Variants in AGBL1 observed in about 807,000 individuals in gnomAD.
AGBL1 encodes the protein AGBL carboxypeptidase 1, also known as cytosolic carboxypeptidase 4.
A neutral mutation model predicts 118.9 loss-of-function variants in AGBL1; 130 were observed. That is an observed-to-expected ratio of 1.09 (90% CI 0.95 to 1.26). The LOEUF is 1.26. AGBL1 is among the 50% of genes most tolerant of loss of function. The probability of loss-of-function intolerance (pLI) is 0.00; values close to 1 mark genes in which losing one functional copy is unlikely to be tolerated. For missense variants in AGBL1, 1,584 were observed against 1,298.1 expected (o/e 1.22, Z -3.38); for synonymous variants, 555 against 478.9 (o/e 1.16, Z -2.08).
chr15:86,499,688 A>G (rs1178632654), intron 18 of AGBL1, among the ~76,000 whole-genome samples: 1 of 151,914 alleles, frequency 6.6e-6, no homozygotes, highest in Non-Finnish European at 1.5e-5. Context: ...GGTTTTAAGC[A>G]TGGATTCAGC....
In AGBL1 at chr15:86,251,184, C is replaced by T. The variant is rs1033490469; in HGVS notation, c.735+3305C>T. On this transcript the variant is annotated intron_variant, in intron 7 of 22. Transcript: ENST00000614907. ...TTTTATAGATGAAGAAACTGAGGCA[C>T]GTAACTGTTAAGTAATTTTCCCAAG... Among the ~76,000 whole-genome samples the T allele has an allele frequency of 6.6e-5, 10 of 152,138 alleles. No homozygotes were observed. In the East Asian group the frequency reaches 1.2e-3, roughly 18 times the overall value.
chr15:86,191,812 C>T (rs570294990), intron 5 of AGBL1, among the ~76,000 whole-genome samples: 13 of 151,074 alleles, frequency 8.6e-5, no homozygotes, highest in African/African-American at 2.2e-4. Context: ...ACATGGGCTG[C>T]GTGCAGTAAT....
chr15:86,827,705 T>G (rs1320514374), intron 22 of AGBL1, among the ~76,000 whole-genome samples: 2 of 145,484 alleles, frequency 1.4e-5, no homozygotes, highest in Non-Finnish European at 3.0e-5. Flanking sequence ...AATATTTGTC[T>G]TCTTTGAGGA....
At chr15:86,993,653 T>C (rs73449117) in intron 24 of AGBL1, among the ~76,000 whole-genome samples, 14,990 of 152,146 alleles carry the variant, frequency 0.099, 1,307 homozygotes, top group African/African-American at 0.23. Flanking sequence ...ATTTGTGCTA[T>C]GTGAACTTTT....
chr15:86,567,181 A>C (rs1355981418), intron 21 of AGBL1, among the ~76,000 whole-genome samples: 1 of 152,200 alleles, frequency 6.6e-6, no homozygotes, highest in Non-Finnish European at 1.5e-5. Context: ...TCCTAATTAG[A>C]AACTTTGGGG....
At chr15:86,369,322 A>T (rs2080936072) in intron 17 of AGBL1, among the ~76,000 whole-genome samples, 1 of 152,188 alleles carries the variant, frequency 6.6e-6, no homozygotes, top group Non-Finnish European at 1.5e-5. Context: ...ATATGTTAAA[A>T]TTTTTGTCAT....
At chr15:86,253,944 A>T (rs541869429) in intron 7 of AGBL1, among the ~76,000 whole-genome samples, 16 of 152,254 alleles carry the variant, frequency 1.1e-4, no homozygotes, top group Non-Finnish European at 2.1e-4. Flanking sequence ...TGGAAAAGAG[A>T]TTATCAGAGG....
At chr15:86,646,737 C>T (rs2085285416) in intron 21 of AGBL1, among the ~76,000 whole-genome samples, 1 of 152,114 alleles carries the variant, frequency 6.6e-6, no homozygotes, top group Non-Finnish European at 1.5e-5. Context: ...ATTAGTCAGT[C>T]CTATGACCTT....
intron 23 of AGBL1, among the ~76,000 whole-genome samples, chr15:86,926,509 C>G (rs1025416239): frequency 6.6e-6 from 1 of 152,080 alleles, no homozygotes; most frequent in African/African-American, 2.4e-5. Context: ...ACCTTGAACA[C>G]GATGGATTTG....
chr15:86,577,708 C>A (rs557098079), intron 21 of AGBL1, among the ~76,000 whole-genome samples: 2 of 152,220 alleles, frequency 1.3e-5, no homozygotes, highest in South Asian at 4.1e-4. Flanking sequence ...TGCCCTGTGT[C>A]CCAGTCACTC....
chr15:86,896,938 T>A (rs1453628749), intron 22 of AGBL1, among the ~76,000 whole-genome samples: 4 of 152,206 alleles, frequency 2.6e-5, no homozygotes, highest in African/African-American at 7.2e-5. Context: ...AGTGTCTCCC[T>A]CTACCCACTA....
intron 9 of AGBL1, among the ~76,000 whole-genome samples, chr15:86,260,053 G>A (rs765109739): frequency 6.6e-6 from 1 of 152,194 alleles, no homozygotes; most frequent in Non-Finnish European, 1.5e-5. Flanking sequence ...TCTTCAAAAG[G>A]CTTCAAGCCA....
intron 21 of AGBL1, among the ~76,000 whole-genome samples, chr15:86,600,773 A>T (rs1284582581): frequency 6.6e-6 from 1 of 152,196 alleles, no homozygotes; most frequent in Admixed American, 6.6e-5. Flanking sequence ...ATGGCTAAGC[A>T]GTATCAAAAT....
chr15:86,863,628 G>C (rs1260707741), intron 22 of AGBL1, among the ~76,000 whole-genome samples: 1 of 152,282 alleles, frequency 6.6e-6, no homozygotes, highest in African/African-American at 2.4e-5. Flanking sequence ...GTCTGGGTAG[G>C]TATTGGGAAG....
At chr15:86,129,982 CCTT>C (rs2076798317) in intron 1 of AGBL1, among the ~76,000 whole-genome samples, 1 of 152,158 alleles carries the variant, frequency 6.6e-6, no homozygotes, top group Admixed American at 6.5e-5. Flanking sequence ...AAAAATTACT[CCTT>C]CTTGGGAAAT....
At chr15:86,515,854 T>G (rs1244012420) in intron 18 of AGBL1, among the ~76,000 whole-genome samples, 1 of 152,226 alleles carries the variant, frequency 6.6e-6, no homozygotes, top group Non-Finnish European at 1.5e-5. Context: ...GACGTGCCCG[T>G]GACACAGCCT....
chr15:86,930,457 G>A (rs1223481699), intron 23 of AGBL1, among the ~76,000 whole-genome samples: 1 of 152,098 alleles, frequency 6.6e-6, no homozygotes, highest in African/African-American at 2.4e-5. Flanking sequence ...TGCTTCGGGA[G>A]ATCTGTTTAT....
At position 86,546,080 on chromosome 15, in the gene AGBL1, C is replaced by G; in HGVS notation, c.2764C>G (p.Gln922Glu). Residue 922 changes from glutamine (Q) to glutamate (E), a missense_variant, in exon 20 of 23, where the codon CAA becomes GAA. By Grantham distance (29) the Gln-to-Glu change is conservative (BLOSUM62 2). Coordinates refer to ENST00000614907, the MANE Select transcript of AGBL1 (RefSeq NM_001386094.1). ...YGCSIKETLW[Q>E]AACTVGTSTI... ...CTGTAGCATCAAGGAAACCTTGTGG[C>G]AAGCAGCATGCACTGTGGGCACATC... 1 of 1,613,442 alleles carries G rather than the reference C, an allele frequency of 6.2e-7. No individual in the cohort carries two copies. Among genetic ancestry groups the G allele is most frequent in the Non-Finnish European group, 8.5e-7 (1 of 1,179,592 alleles).
Position 86,256,872 on chromosome 15 carries a change from G to C in AGBL1, c.755G>C (p.Ser252Thr), listed in dbSNP as rs372045551. ...GCTCAGAACTGCCTGGATGACAAGAGCATGGAGCCCGTCATCTCTGTGGTG... is the reference window on the plus strand; with the variant it reads ...GCTCAGAACTGCCTGGATGACAAGACCATGGAGCCCGTCATCTCTGTGGTG... ...STTQNCLDDK[S>T]MEPVISVVLQ... Residue 252 changes from serine (S) to threonine (T), a missense_variant, in exon 8 of 23, where the codon AGC becomes ACC. Transcript: ENST00000614907. 6.2e-7 allele frequency: 1 copy of C among 1,613,902 alleles called. No individual in the cohort carries two copies. The highest frequency in any genetic ancestry group is 8.5e-7 in the Non-Finnish European group (1 of 1,179,864).
Sources: allele counts gnomAD v4.1 joint callset (sites outside exome capture counted in the v4.1 genomes callset), GRCh38; gene constraint gnomAD v4.1.1; transcripts MANE v1.5; gene names NCBI Gene and HGNC (gene_info 2026-07-23, HGNC 2026-07-21).